CCBE1: variants seen among roughly 807,000 people sequenced by gnomAD.
CCBE1 encodes the protein collagen and calcium binding EGF domains 1.
CCBE1 carries 37 observed loss-of-function variants against 50.0 expected under a neutral mutation model. That is an observed-to-expected ratio of 0.74 (90% CI 0.57 to 0.97). The LOEUF (loss-of-function observed/expected upper bound fraction) is 0.97, where lower values mean the gene tolerates loss of function less well. Ranked by LOEUF, CCBE1 falls within the 50% of genes least tolerant of loss-of-function variation. CCBE1 has a pLI of 0.00. For missense variants in CCBE1, 538 were observed against 523.8 expected (o/e 1.03, Z -0.26); for synonymous variants, 234 against 203.7 (o/e 1.15, Z -1.27).
chr18:59,604,553 G>A (rs1219614753), intron 2 of CCBE1, among the ~76,000 whole-genome samples: 3 of 152,166 alleles, frequency 2.0e-5, no homozygotes, highest in African/African-American at 4.8e-5. Context: ...CTAAGTAAGT[G>A]GCTACAGTCA....
At chr18:59,648,607 T>C (rs779803854) in intron 2 of CCBE1, among the ~76,000 whole-genome samples, 46 of 152,154 alleles carry the variant, frequency 3.0e-4, no homozygotes, top group Non-Finnish European at 6.0e-4. Context: ...GAGGGTGAGG[T>C]ACGAGAATTG....
intron 2 of CCBE1, chr18:59,666,227 T>A (rs1452474831): frequency 6.6e-6 from 1 of 152,180 alleles, no homozygotes; most frequent in Non-Finnish European, 1.5e-5. Context: ...TTATTCATTA[T>A]CATGAGAACG....
chr18:59,541,002 A>T (rs1915445456), intron 2 of CCBE1, among the ~76,000 whole-genome samples: 1 of 152,186 alleles, frequency 6.6e-6, no homozygotes, highest in Non-Finnish European at 1.5e-5. Context: ...ATCACATAAG[A>T]ATCTTTCCTT....
At chr18:59,541,594 G>A (rs2564483) in intron 2 of CCBE1, among the ~76,000 whole-genome samples, 4 of 151,908 alleles carry the variant, frequency 2.6e-5, no homozygotes, top group Admixed American at 6.6e-5. Flanking sequence ...CAGATCTTCC[G>A]AGAAACAGGA....
chr18:59,617,539 G>C (rs8090990), intron 2 of CCBE1, among the ~76,000 whole-genome samples: 3 of 152,176 alleles, frequency 2.0e-5, no homozygotes, highest in African/African-American at 7.2e-5. Flanking sequence ...GACTGTTTTT[G>C]TCCGGCCAAG....
At chr18:59,490,636 C>G (rs1447858484) in intron 2 of CCBE1, among the ~76,000 whole-genome samples, 1 of 152,148 alleles carries the variant, frequency 6.6e-6, no homozygotes, top group African/African-American at 2.4e-5. Context: ...ACTTCGCCAA[C>G]CCAAAACAGC....
At chr18:59,580,696 G>C (rs1158382966) in intron 2 of CCBE1, among the ~76,000 whole-genome samples, 3 of 152,178 alleles carry the variant, frequency 2.0e-5, no homozygotes, top group Non-Finnish European at 4.4e-5. Flanking sequence ...GGGGGATCCT[G>C]ACCCAGTTCT....
intron 2 of CCBE1, among the ~76,000 whole-genome samples, chr18:59,628,264 T>A (rs775122502): frequency 5.3e-5 from 8 of 152,306 alleles, no homozygotes; most frequent in Non-Finnish European, 1.0e-4. Context: ...ATATTCTTTA[T>A]TTTTAATTAG....
chr18:59,466,856 A>G lies in CCBE1; in HGVS notation c.436T>C (p.Cys146Arg), dbSNP rs767408021. 6.2e-6 allele frequency: 10 copies of G among 1,613,416 alleles called. No individual in the cohort carries two copies. In the African/African-American group the frequency reaches 9.3e-5, roughly 15 times the overall value. The change falls in exon 5 of 11, where the codon TGT becomes CGT. Residue 146 changes from cysteine to arginine, a missense_variant. Transcript: ENST00000439986. The stretch of plus-strand genomic sequence containing the variant: ...AAGGTATTGATGCAGATGTGGGCAC[A>G]CAGCGTCCCATTGCTGCTGGCACAC... The part of the protein sequence containing the change: ...DECASSNGTL[C>R]AHICINTLGS...
chr18:59,478,277 C>T (rs1912406135), intron 3 of CCBE1, among the ~76,000 whole-genome samples: 1 of 152,188 alleles, frequency 6.6e-6, no homozygotes, highest in Admixed American at 6.5e-5. Flanking sequence ...CCCTCTCTCT[C>T]CTACATAGAA....
intron 2 of CCBE1, among the ~76,000 whole-genome samples, chr18:59,679,147 A>G (rs951423486): frequency 4.6e-5 from 7 of 152,278 alleles, no homozygotes; most frequent in African/African-American, 1.2e-4. Flanking sequence ...GCTTCCCCAT[A>G]CAGTGATCTG....
chr18:59,686,236 T>C (rs910945109), intron 2 of CCBE1: 1 of 152,218 alleles, frequency 6.6e-6, no homozygotes, highest in Admixed American at 6.5e-5. Flanking sequence ...ATGATTTTTG[T>C]GACTACTTTT....
At chr18:59,440,085 G>A (rs1162121450) in intron 7 of CCBE1, among the ~76,000 whole-genome samples, 1 of 152,178 alleles carries the variant, frequency 6.6e-6, no homozygotes, top group African/African-American at 2.4e-5. Flanking sequence ...CCCTGTTTCT[G>A]CAACCTCCTT....
At chr18:59,562,926 C>A (rs1175887402) in intron 2 of CCBE1, among the ~76,000 whole-genome samples, 1 of 152,164 alleles carries the variant, frequency 6.6e-6, no homozygotes, top group Non-Finnish European at 1.5e-5. Flanking sequence ...GTTTGTTTCC[C>A]AGTTTGAGTG....
chr18:59,668,621 T>C (rs2054389179), intron 2 of CCBE1, among the ~76,000 whole-genome samples: 1 of 152,010 alleles, frequency 6.6e-6, no homozygotes, highest in Admixed American at 6.6e-5. Context: ...TAGGTTTTGT[T>C]CAGTTTATAT....
chr18:59,528,461 T>G (rs1598982124), intron 2 of CCBE1, among the ~76,000 whole-genome samples: 3 of 152,372 alleles, frequency 2.0e-5, no homozygotes, highest in African/African-American at 7.2e-5. Context: ...TGAAGCCTAC[T>G]TCTGTCAGTT....
At chr18:59,555,845 A>G (rs906439924) in intron 2 of CCBE1, among the ~76,000 whole-genome samples, 1 of 152,238 alleles carries the variant, frequency 6.6e-6, no homozygotes, top group African/African-American at 2.4e-5. Context: ...CACAGTTGAA[A>G]CATCCTGAAG....
chr18:59,608,893 T>C (rs1379409587), intron 2 of CCBE1, among the ~76,000 whole-genome samples: 1 of 152,206 alleles, frequency 6.6e-6, no homozygotes, highest in Non-Finnish European at 1.5e-5. Flanking sequence ...ATATGTGTCA[T>C]CTCTTCTCTC....
intron 2 of CCBE1, among the ~76,000 whole-genome samples, chr18:59,637,895 T>G (rs1348086191): frequency 6.6e-6 from 1 of 152,158 alleles, no homozygotes; most frequent in African/African-American, 2.4e-5. Context: ...CTAGGCATGC[T>G]CTAACCAAGC....
Sources: gnomAD v4.1 joint callset for allele counts (sites outside exome capture counted in the v4.1 genomes callset) on GRCh38, gnomAD v4.1.1 for gene constraint, MANE v1.5 for transcripts, NCBI Gene and HGNC (gene_info 2026-07-23, HGNC 2026-07-21) for gene names.